The following DLG1 variants were observed in gnomAD, a reference collection of about 807,000 sequenced individuals.
DLG1 encodes disks large homolog 1.
DLG1 carries 42 observed loss-of-function variants against 123.4 expected under a neutral mutation model. The observed-to-expected ratio is 0.34, with a 90% CI of 0.27 to 0.44. DLG1 has a LOEUF of 0.44. DLG1 is among the 20% of genes least tolerant of loss of function. The pLI, the probability that DLG1 is intolerant of heterozygous loss-of-function variation, is 1.00. For synonymous variants in DLG1, 317 were observed against 356.2 expected, an observed-to-expected ratio of 0.89 and a Z score of 1.24; for missense variants, 942 against 1,082.6, an observed-to-expected ratio of 0.87 and a Z score of 1.82.
chr3:197,135,497 G>A (rs1373877107), intron 10 of DLG1, among the ~76,000 whole-genome samples: 1 of 152,152 alleles, frequency 6.6e-6, no homozygotes, highest in Admixed American at 6.5e-5. Flanking sequence ...AGTTTCCTGA[G>A]TCTGGTGAGT....
At chr3:197,136,734 A>T (rs572603928) in intron 9 of DLG1, 56 bp from the exon 10 acceptor site, 391 of 1,488,600 alleles carry the variant, frequency 2.6e-4, no homozygotes, top group Non-Finnish European at 3.2e-4. Context: ...AAGCCCAGAA[A>T]GAAATGGTTG....
intron 14 of DLG1, among the ~76,000 whole-genome samples, chr3:197,103,147 G>A (rs1055072233): frequency 6.6e-6 from 1 of 152,024 alleles, no homozygotes; most frequent in African/African-American, 2.4e-5. Flanking sequence ...CCCTCTTTCC[G>A]TGTGGCTTCT....
At chr3:197,174,232 T>A (rs552461427) in intron 5 of DLG1, among the ~76,000 whole-genome samples, 25 of 152,296 alleles carry the variant, frequency 1.6e-4, no homozygotes, top group Middle Eastern at 3.4e-3. Context: ...AAAATGGCTT[T>A]AAGACACCTA....
intron 4 of DLG1, among the ~76,000 whole-genome samples, chr3:197,282,368 GT>G (rs1228693662): frequency 2.6e-5 from 4 of 152,102 alleles, no homozygotes; most frequent in African/African-American, 9.7e-5. Context: ...TCTTTTCAAA[GT>G]ACCATTTCCA....
At chr3:197,054,159 G>A (rs1467399232) in intron 23 of DLG1, among the ~76,000 whole-genome samples, 2 of 150,342 alleles carry the variant, frequency 1.3e-5, no homozygotes, top group Admixed American at 6.6e-5. Flanking sequence ...TGTGTGGTAA[G>A]TTGCTGCTTT....
chr3:197,289,799 T>C (rs1298122999), intron 3 of DLG1, among the ~76,000 whole-genome samples: 1 of 152,162 alleles, frequency 6.6e-6, no homozygotes. Context: ...CCTATAAAAT[T>C]TAAAAGTTTG....
intron 24 of DLG1, among the ~76,000 whole-genome samples, chr3:197,048,283 C>G (rs1252898104): frequency 6.6e-6 from 1 of 152,136 alleles, no homozygotes; most frequent in Non-Finnish European, 1.5e-5. Flanking sequence ...CCAGTCTGAC[C>G]AACATGGCAA....
rs71623339 is a variant in DLG1 at position 197,158,634 on chromosome 3, C to CAAAAAAAAA, written c.484-8847_484-8839dup. On this transcript the variant is annotated intron_variant, in intron 5 of 24. Transcript: ENST00000667157. Reference sequence around the variant, plus strand: ...GGGTAACAAGAGCAAAACTCCATTTCAAAAAAAAAAAAAAAAAAAAAAAGC... The same window carrying CAAAAAAAAA: ...GGGTAACAAGAGCAAAACTCCATTTCAAAAAAAAAAAAAAAAAAAAAAAAAAAAAAAAGC... Among the ~76,000 whole-genome samples, 116 of 67,472 alleles carry CAAAAAAAAA rather than the reference C, an allele frequency of 1.7e-3. 7 individuals are homozygous for CAAAAAAAAA. The highest frequency in any genetic ancestry group is 7.6e-3 in the Middle Eastern group (1 of 132). The allele number at this position is 67,472 out of a possible 152,430, so 44.3% of individuals were successfully genotyped here.
intron 22 of DLG1, among the ~76,000 whole-genome samples, chr3:197,061,201 A>T (rs1405643686): frequency 1.3e-5 from 2 of 152,238 alleles, no homozygotes; most frequent in Non-Finnish European, 2.9e-5. Context: ...TAATACTGTA[A>T]AATACTCCAA....
intron 14 of DLG1, among the ~76,000 whole-genome samples, chr3:197,092,504 CTTTTT>C (rs1046801000): frequency 1.1e-4 from 16 of 151,950 alleles, no homozygotes; most frequent in Non-Finnish European, 1.9e-4. Flanking sequence ...TTATTGTTTT[CTTTTT>C]TTATTTTTAG....
chr3:197,176,315 G>C (rs986029100), intron 5 of DLG1, among the ~76,000 whole-genome samples: 5 of 151,998 alleles, frequency 3.3e-5, no homozygotes, highest in African/African-American at 1.2e-4. Context: ...AGCCCACACT[G>C]CCACATCACA....
chr3:197,147,481 C>G (rs899350140), intron 6 of DLG1, among the ~76,000 whole-genome samples: 4 of 148,896 alleles, frequency 2.7e-5, no homozygotes, highest in Admixed American at 2.7e-4. Flanking sequence ...CCATGGAATA[C>G]TACTCAGCCA....
chr3:197,063,401 C>T (rs928044245), intron 22 of DLG1, among the ~76,000 whole-genome samples: 27 of 152,170 alleles, frequency 1.8e-4, no homozygotes, highest in Non-Finnish European at 3.2e-4. Context: ...CAAATTCCCT[C>T]TCTACATCAC....
At chr3:197,119,009 C>T (rs1774851597) in intron 12 of DLG1, among the ~76,000 whole-genome samples, 1 of 151,936 alleles carries the variant, frequency 6.6e-6, no homozygotes. Flanking sequence ...CCTGCTAAAA[C>T]CAAACCAAAC....
At position 197,122,626 on chromosome 3, in the gene DLG1, T is replaced by C. The variant is rs191864741; in HGVS notation, c.1166-3096A>G. 5.4e-3 allele frequency among the ~76,000 whole-genome samples: 819 copies of C among 152,242 alleles called. 7 individuals are homozygous for C. Among genetic ancestry groups the C allele is most frequent in the African/African-American group, 0.019 (785 of 41,558 alleles). ...CTAAGCAATTAATATACAAAACAGA[T>C]ATTTCCTATATATCAGTTAAAATTA... On this transcript the variant is annotated intron_variant, in intron 11 of 24. Coordinates refer to ENST00000667157, the MANE Select transcript of DLG1 (RefSeq NM_001366207.1).
At chr3:197,162,697 T>C (rs746656933) in intron 5 of DLG1, among the ~76,000 whole-genome samples, 1 of 152,154 alleles carries the variant, frequency 6.6e-6, no homozygotes, top group African/African-American at 2.4e-5. Context: ...CCATCTCACA[T>C]TATATATAAA....
At chr3:197,131,109 C>G (rs2149541719) in intron 10 of DLG1, among the ~76,000 whole-genome samples, 1 of 152,294 alleles carries the variant, frequency 6.6e-6, no homozygotes, top group East Asian at 1.9e-4. Context: ...AACAGCTGCA[C>G]AGTAGCCCAT....
In DLG1 at chr3:197,157,432, G is replaced by A. The variant is rs371427608; in HGVS notation, c.484-7636C>T. Reference sequence around the variant, plus strand: ...AAACAATTCTGTTTATTATAGCATCGAAAAGAACAAATTTTCAGAACACTG... The same window carrying A: ...AAACAATTCTGTTTATTATAGCATCAAAAAGAACAAATTTTCAGAACACTG... On this transcript the variant is annotated intron_variant, in intron 5 of 24. Coordinates refer to ENST00000667157, the MANE Select transcript of DLG1 (RefSeq NM_001366207.1). Among the ~76,000 whole-genome samples the A allele has an allele frequency of 9.2e-5, 14 of 152,082 alleles. No homozygotes were observed. In the East Asian group the frequency reaches 1.5e-3, roughly 17 times the overall value.
chr3:197,139,502 CA>C (rs1240306411), intron 8 of DLG1, among the ~76,000 whole-genome samples: 2 of 152,090 alleles, frequency 1.3e-5, no homozygotes, highest in East Asian at 3.9e-4. Context: ...ATTTGAACAA[CA>C]AACAAGGAAA....
Sources: allele counts gnomAD v4.1 joint callset (sites outside exome capture counted in the v4.1 genomes callset), GRCh38; gene constraint gnomAD v4.1.1; transcripts MANE v1.5; gene names NCBI Gene and HGNC (gene_info 2026-07-23, HGNC 2026-07-21).